The following FGFRL1 variants were observed in gnomAD, a reference collection of about 807,000 sequenced individuals.
FGFRL1 encodes fibroblast growth factor receptor like 1, also known as fibroblast growth factor receptor-like 1.
FGFRL1 carries 24 observed loss-of-function variants against 36.8 expected under a neutral mutation model. The observed-to-expected ratio is 0.65, with a 90% CI of 0.47 to 0.92. The LOEUF is 0.92. Among genes scored for constraint, FGFRL1 ranks in the 40% least tolerant of loss-of-function variants. FGFRL1 has a pLI of 0.00. For missense variants in FGFRL1, 785 were observed against 753.4 expected (o/e 1.04, Z -0.49); for synonymous variants, 422 against 344.1 (o/e 1.23, Z -2.50).
chr4:1,018,019 G>C (rs891279928), intron 2 of FGFRL1, among the ~76,000 whole-genome samples: 1 of 152,238 alleles, frequency 6.6e-6, no homozygotes, highest in Non-Finnish European at 1.5e-5. Context: ...TTCCAGAAGA[G>C]ATATTGGAGC....
At chr4:1,022,846 G>A (rs1400072482) in intron 3 of FGFRL1, among the ~76,000 whole-genome samples, 1 of 152,124 alleles carries the variant, frequency 6.6e-6, no homozygotes, top group Non-Finnish European at 1.5e-5. Context: ...CCGCCGGGAT[G>A]CGTGGCCTTT....
chr4:1,022,587 G>C, intron 3 of FGFRL1, 112 bp downstream of exon 3: 1 of 1,378,394 alleles, frequency 7.3e-7, no homozygotes. Context: ...GCCCCCGGCA[G>C]AAAGCCTTCC....
Position 1,023,728 on chromosome 4 carries a change from AG to A in FGFRL1, c.433+12del. On this transcript the variant is annotated splice_region_variant and intron_variant, in intron 4 of 6. Coordinates refer to ENST00000510644, the MANE Select transcript of FGFRL1 (RefSeq NM_001004356.3). This position sits in a 1 kb window ranked among gnomAD's most constrained non-coding sequence, Gnocchi z 6.0. ...CCCGCCAGCCAGCAGTGGGGTGAGC[AG>A]GGGGTGACGGGGGTGGGGGGCGTCC... 1 of 1,020,296 alleles carries A rather than the reference AG, an allele frequency of 9.8e-7. No individual in the cohort carries two copies. Among genetic ancestry groups the A allele is most frequent in the Non-Finnish European group, 1.4e-6 (1 of 704,930 alleles). The allele number at this position is 1,020,296 out of a possible 1,614,324, so 63.2% of individuals were successfully genotyped here. A position where few individuals can be genotyped will look rare whatever the true frequency, so the allele number is the denominator to read the frequency against.
Position 1,024,510 on chromosome 4 carries a change from G to A in FGFRL1, c.918G>A (p.Leu306=). ...IDVGGQKFVV[L]PTGDVWSRPD... is the part of the protein sequence containing the mutation. The stretch of plus-strand genomic sequence containing the variant: ...TGGGCGGCCAGAAGTTTGTGGTGCT[G>A]CCCACGGGTGACGTGTGGTCGCGGC... Residue 306 remains leucine (L), a synonymous_variant, in exon 6 of 7, where the codon CTG becomes CTA. Transcript: ENST00000510644. The A allele has an allele frequency of 6.2e-7, 1 of 1,612,522 alleles. No homozygotes were observed. Among genetic ancestry groups the A allele is most frequent in the Non-Finnish European group, 8.5e-7 (1 of 1,179,858 alleles).
At chr4:1,016,205 C>T (rs1230712807) in intron 2 of FGFRL1, among the ~76,000 whole-genome samples, 2 of 152,180 alleles carry the variant, frequency 1.3e-5, no homozygotes, top group African/African-American at 2.4e-5. Context: ...TGATCTCTGG[C>T]CTCAGGGGTT....
At chr4:1,024,846 C>T in intron 6 of FGFRL1, 59 bp from the exon 7 acceptor site, 4 of 1,513,360 alleles carry the variant, frequency 2.6e-6, no homozygotes, top group Non-Finnish European at 2.7e-6. Context: ...GTCTGGGGTG[C>T]TCTCCTGGTC....
chr4:1,019,295 GC>G (rs1372940342), intron 2 of FGFRL1, among the ~76,000 whole-genome samples: 1 of 152,228 alleles, frequency 6.6e-6, no homozygotes, highest in Non-Finnish European at 1.5e-5. Context: ...CCAGGCACTC[GC>G]TCTCTTGCTT....
At chr4:1,019,830 TC>T (rs1454050849) in intron 2 of FGFRL1, among the ~76,000 whole-genome samples, 7 of 152,166 alleles carry the variant, frequency 4.6e-5, no homozygotes, top group African/African-American at 1.7e-4. Context: ...ACATGTTTTC[TC>T]AGAGAGGCCA....
At position 1,023,811 on chromosome 4, in the gene FGFRL1, C is replaced by A; in HGVS notation, c.434-6C>A. 6.3e-7 allele frequency: 1 copy of A among 1,574,942 alleles called. No individual in the cohort carries two copies. Among genetic ancestry groups the A allele is most frequent in the Non-Finnish European group, 8.6e-7 (1 of 1,160,060 alleles). ...CCTCTGACCTCCACGCCACCCCACC[C>A]CGCAGCACGACCGCGCTTCACACAG... On this transcript the variant is annotated splice_polypyrimidine_tract_variant and splice_region_variant and intron_variant, in intron 4 of 6. Coordinates refer to ENST00000510644, the MANE Select transcript of FGFRL1 (RefSeq NM_001004356.3). This position sits in a 1 kb window ranked among gnomAD's most constrained non-coding sequence, Gnocchi z 6.0.
chr4:1,010,763 A>T (rs1715539251), upstream of FGFRL1, among the ~76,000 whole-genome samples: 1 of 152,108 alleles, frequency 6.6e-6, no homozygotes, highest in Non-Finnish European at 1.5e-5. Context: ...CAGGGACGGC[A>T]GGCGAGGCGT....
At chr4:1,012,639 GC>G in intron 2 of FGFRL1, 75 bp downstream of exon 2, 1 of 603,356 alleles carries the variant, frequency 1.7e-6, no homozygotes, top group South Asian at 3.1e-5. Flanking sequence ...CCTGAACCCT[GC>G]CACAGTGCCC....
At chr4:1,020,537 C>T (rs72501960) in intron 2 of FGFRL1, among the ~76,000 whole-genome samples, 7,440 of 150,488 alleles carry the variant, frequency 0.049, 231 homozygotes, top group Middle Eastern at 0.17. Flanking sequence ...CGGCTTGGCA[C>T]TGCCCACTGG....
At position 1,026,835 on chromosome 4, in the gene FGFRL1, T is replaced by C. The variant is rs1417780906; in HGVS notation, c.*1488T>C. On this transcript the variant is annotated 3_prime_UTR_variant, in exon 7 of 7. Coordinates refer to ENST00000510644, the MANE Select transcript of FGFRL1 (RefSeq NM_001004356.3). ...AGATCTCTGTAATTTTATGTAGAGT[T>C]TGAGCTGAAGCCCCGTATATTTAAT... 2.2e-6 allele frequency: 1 copy of C among 455,420 alleles called. No individual in the cohort carries two copies. The highest frequency in any genetic ancestry group is 2.4e-5 in the Admixed American group (1 of 42,456). The allele number at this position is 455,420 out of a possible 1,614,324, so 28.2% of individuals were successfully genotyped here.
In FGFRL1 at chr4:1,012,544, C is replaced by A; in HGVS notation, c.59C>A (p.Pro20Gln). ...CCGCCGCTGCTGCTGGGGGCCTTCCCGCCGGCCGCCGCCGCCCGAGGTGAG... is the reference window on the plus strand; with the variant it reads ...CCGCCGCTGCTGCTGGGGGCCTTCCAGCCGGCCGCCGCCGCCCGAGGTGAG... ...LLPPLLLGAF[P>Q]PAAAARGPPK... The change falls in exon 2 of 7, where the codon CCG (proline) becomes CAG (glutamine). Residue 20 changes from proline to glutamine, a missense_variant. Transcript: ENST00000510644. 2 of 1,479,902 alleles carry A rather than the reference C, an allele frequency of 1.4e-6. No homozygotes were observed. The highest frequency in any genetic ancestry group is 2.8e-5 in the East Asian group (1 of 35,672). 91.7% of individuals were successfully genotyped at this position (1,479,902 alleles called of 1,614,324 possible). A position where few individuals can be genotyped will look rare whatever the true frequency, so the allele number is the denominator to read the frequency against.
intron 2 of FGFRL1, among the ~76,000 whole-genome samples, chr4:1,021,527 C>A (rs1223980895): frequency 6.6e-6 from 1 of 152,150 alleles, no homozygotes; most frequent in Non-Finnish European, 1.5e-5. Flanking sequence ...GCAGACAGAC[C>A]TGGGCATCTG....
chr4:1,022,064 C>T, intron 2 of FGFRL1, 139 bp from the exon 3 acceptor site: 1 of 641,948 alleles, frequency 1.6e-6, no homozygotes, highest in Admixed American at 3.4e-5. Context: ...ACCTCGGCCC[C>T]TCTGCTCATC....
At chr4:1,012,697 C>T in intron 2 of FGFRL1, 133 bp downstream of exon 2, 1 of 421,190 alleles carries the variant, frequency 2.4e-6, no homozygotes, top group East Asian at 4.0e-5. Context: ...CTCGCCAGGC[C>T]CCCTTCCTTC....
chr4:1,025,296 A>G lies in FGFRL1; in HGVS notation c.1464A>G (p.Thr488=), dbSNP rs776633899. 1.9e-6 allele frequency: 3 copies of G among 1,574,968 alleles called. No homozygotes were observed. Among genetic ancestry groups the G allele is most frequent in the Non-Finnish European group, 2.6e-6 (3 of 1,159,832 alleles). The change falls in exon 7 of 7, where the codon ACA becomes ACG. Residue 488 remains threonine (T), a synonymous_variant. Transcript: ENST00000510644. ...IHTHTHTHSH[T]HSHVEGKVHQ... is the part of the protein sequence containing the mutation. ...CACACACACACACACACTCTCACAC[A>G]CACTCACACGTGGAGGGCAAGGTCC...
upstream of FGFRL1, among the ~76,000 whole-genome samples, chr4:1,010,749 T>G (rs941377276): frequency 6.6e-6 from 1 of 152,034 alleles, no homozygotes; most frequent in Non-Finnish European, 1.5e-5. Context: ...TGCTGGGCCC[T>G]GGGCAGGGAC....
Sources: allele counts gnomAD v4.1 joint callset (sites outside exome capture counted in the v4.1 genomes callset), GRCh38; gene constraint gnomAD v4.1.1; non-coding constraint Gnocchi (gnomAD v3.1); transcripts MANE v1.5; gene names NCBI Gene and HGNC (gene_info 2026-07-23, HGNC 2026-07-21).